The following MCFD2 variants were observed in gnomAD, a reference collection of about 807,000 sequenced individuals.
The protein encoded by MCFD2 is multiple coagulation factor deficiency 2, ER cargo receptor complex subunit.
In MCFD2, 11 loss-of-function variants were observed where a neutral mutation model predicts 12.8. The ratio of observed to expected loss-of-function variants is 0.86; its 90% confidence interval spans 0.54 to 1.42. The LOEUF (loss-of-function observed/expected upper bound fraction) is 1.42, where lower values mean the gene tolerates loss of function less well. Among genes scored for constraint, MCFD2 ranks in the 40% most tolerant of loss-of-function variants. The pLI is 0.00. For missense variants in MCFD2, 191 were observed against 178.6 expected, an observed-to-expected ratio of 1.07 and a Z score of -0.40; for synonymous variants, 70 against 68.1, an observed-to-expected ratio of 1.03 and a Z score of -0.14.
At chr2:46,905,804 T>G in intron 3 of MCFD2, 1 of 645,964 alleles carries the variant, frequency 1.5e-6, no homozygotes, top group African/African-American at 1.8e-5. Flanking sequence ...TCTAGATATA[T>G]AGAGAGAGAA....
chr2:46,934,808 T>A (rs112430224), intron 1 of MCFD2, among the ~76,000 whole-genome samples: 8 of 129,750 alleles, frequency 6.2e-5, no homozygotes, highest in African/African-American at 2.4e-4. Context: ...TTTTTTTTTT[T>A]TTTTTTTTTT....
chr2:46,937,270 T>A lies in MCFD2; in HGVS notation c.-8+4302A>T, dbSNP rs1440355068. On this transcript the variant is annotated intron_variant, in intron 1 of 2. Transcript: ENST00000409147. The surrounding 1 kb of genome is among the most constrained non-coding windows in gnomAD (Gnocchi z 4.0). ...AATATCACAGCTGAAACCTGCTATTTCTTTTCCCCTACCCTATGCTCCTCC... is the reference window on the plus strand; with the variant it reads ...AATATCACAGCTGAAACCTGCTATTACTTTTCCCCTACCCTATGCTCCTCC... Among the ~76,000 whole-genome samples the A allele has an allele frequency of 1.3e-5, 2 of 152,248 alleles. No homozygotes were observed. The highest frequency in any genetic ancestry group is 1.3e-4 in the Admixed American group (2 of 15,280).
At chr2:46,921,292 A>G (rs2103803233) in intron 1 of MCFD2, among the ~76,000 whole-genome samples, 1 of 152,354 alleles carries the variant, frequency 6.6e-6, no homozygotes, top group East Asian at 1.9e-4. Context: ...GAAAAAAGCT[A>G]CTAGAGCTAT....
chr2:46,906,102 C>T, intron 3 of MCFD2: 1 of 438,974 alleles, frequency 2.3e-6, no homozygotes, highest in South Asian at 1.7e-5. Flanking sequence ...TTCCCATGCT[C>T]CAAGAGCAGG....
At chr2:46,905,617 T>C (rs201449450) in intron 3 of MCFD2, 23 bp from the exon 4 acceptor site, 1 of 1,610,186 alleles carries the variant, frequency 6.2e-7, no homozygotes, top group South Asian at 1.1e-5. Flanking sequence ...AATTAGACAA[T>C]GATGAGTTGC....
chr2:46,915,806 G>T lies in MCFD2; in HGVS notation c.-90C>A. The T allele has an allele frequency of 2.0e-6, 1 of 512,578 alleles. No homozygotes were observed. Among genetic ancestry groups the T allele is most frequent in the Non-Finnish European group, 2.1e-6 (1 of 465,128 alleles). 31.8% of individuals were successfully genotyped at this position (512,578 alleles called of 1,614,324 possible). On this transcript the variant is annotated 5_prime_UTR_variant, in exon 1 of 4. Coordinates refer to ENST00000319466, the MANE Select transcript of MCFD2 (RefSeq NM_139279.6). ...CCCCAAAACGCTCTTCCTCGGCTTC[G>T]CCCCGCCCCCCCCCCCCCCCCGACC...
At chr2:46,936,906 G>C (rs1180361309) in intron 1 of MCFD2, among the ~76,000 whole-genome samples, 2 of 150,184 alleles carry the variant, frequency 1.3e-5, no homozygotes, top group Non-Finnish European at 3.0e-5. Flanking sequence ...CCAGGCTGGA[G>C]TGCAGTGGCA....
intron 1 of MCFD2, among the ~76,000 whole-genome samples, chr2:46,939,675 T>A (rs1479379024): frequency 6.6e-6 from 1 of 152,194 alleles, no homozygotes; most frequent in Non-Finnish European, 1.5e-5. Context: ...TGCTGTTCAC[T>A]CCCTGCCCCA....
At chr2:46,922,757 A>G (rs967817895) in intron 1 of MCFD2, among the ~76,000 whole-genome samples, 1 of 152,160 alleles carries the variant, frequency 6.6e-6, no homozygotes, top group Non-Finnish European at 1.5e-5. Context: ...CTCTTCCCAC[A>G]CTGGAGGAAG....
intron 1 of MCFD2, among the ~76,000 whole-genome samples, chr2:46,934,324 T>C (rs573080476): frequency 3.2e-4 from 48 of 152,320 alleles, no homozygotes; most frequent in African/African-American, 1.2e-3. Context: ...AGTGGCACAA[T>C]CTCAGCTCAC....
At chr2:46,916,141 C>A, upstream of MCFD2, 1 of 985,554 alleles carries the variant, frequency 1.0e-6, no homozygotes, top group African/African-American at 1.7e-5. Context: ...AGCTGGCTCC[C>A]AACTCCGCTC....
Position 46,911,235 on chromosome 2 carries a change from C to T in MCFD2, c.-6-2058G>A, listed in dbSNP as rs983135941. On this transcript the variant is annotated intron_variant, in intron 1 of 3. Coordinates refer to ENST00000319466, the MANE Select transcript of MCFD2 (RefSeq NM_139279.6). Reference sequence around the variant, plus strand: ...CTCCGCTTCCCAGGTTCAAGCAATTCTCCTGCCTCAGCCTCCCGAGTAGCT... The same window carrying T: ...CTCCGCTTCCCAGGTTCAAGCAATTTTCCTGCCTCAGCCTCCCGAGTAGCT... Among the ~76,000 whole-genome samples, 82 of 152,176 alleles carry T rather than the reference C, an allele frequency of 5.4e-4. 1 individual carries two copies. Among genetic ancestry groups the T allele is most frequent in the African/African-American group, 1.9e-3 (78 of 41,514 alleles).
upstream of MCFD2, among the ~76,000 whole-genome samples, chr2:46,920,735 A>G (rs143716797): frequency 7.8e-4 from 118 of 151,966 alleles, no homozygotes; most frequent in African/African-American, 2.5e-3. Flanking sequence ...GAACTTGCCT[A>G]TCTACTTGAA....
At chr2:46,929,231 C>A (rs1276820209) in intron 1 of MCFD2, among the ~76,000 whole-genome samples, 2 of 151,896 alleles carry the variant, frequency 1.3e-5, no homozygotes, top group African/African-American at 2.4e-5. Flanking sequence ...TGCATGTAAT[C>A]CTAGCACTTT....
chr2:46,907,770 C>G lies in MCFD2; in HGVS notation c.309+40G>C, dbSNP rs755650241. On this transcript the variant is annotated intron_variant, in intron 3 of 3. Coordinates refer to ENST00000319466, the MANE Select transcript of MCFD2 (RefSeq NM_139279.6). This position sits in a 1 kb window ranked among gnomAD's most constrained non-coding sequence, Gnocchi z 4.1. ...GGGGACCAAATTAACAAAGGGAAGC[C>G]TTTCTGTGATACAGTCCCCCAAGCC... The G allele has an allele frequency of 1.9e-6, 3 of 1,608,348 alleles. No homozygotes were observed. The African/African-American group carries it at 4.0e-5, about 22-fold the overall frequency.
chr2:46,926,667 A>G (rs975708903), intron 1 of MCFD2, among the ~76,000 whole-genome samples: 1 of 152,238 alleles, frequency 6.6e-6, no homozygotes, highest in African/African-American at 2.4e-5. Context: ...AGAAGAATAT[A>G]AAATTATCCT....
chr2:46,915,907 T>C, upstream of MCFD2: 1 of 983,732 alleles, frequency 1.0e-6, no homozygotes. Flanking sequence ...CGGCGGGCTG[T>C]GAGGACGGCT....
intron 1 of MCFD2, among the ~76,000 whole-genome samples, chr2:46,914,632 AC>A (rs1668626114): frequency 1.3e-5 from 2 of 152,248 alleles, no homozygotes; most frequent in South Asian, 4.1e-4. Context: ...TGAAGATAGT[AC>A]TATGACCTCG....
intron 1 of MCFD2, among the ~76,000 whole-genome samples, chr2:46,924,709 C>T (rs1669294126): frequency 6.6e-6 from 1 of 152,190 alleles, no homozygotes; most frequent in South Asian, 2.1e-4. Context: ...ACACTGCAGC[C>T]TCAACCTCCT....
Sources: gnomAD v4.1 joint callset for allele counts (sites outside exome capture counted in the v4.1 genomes callset) on GRCh38, gnomAD v4.1.1 for gene constraint, Gnocchi (gnomAD v3.1) non-coding constraint, MANE v1.5 for transcripts, NCBI Gene and HGNC (gene_info 2026-07-23, HGNC 2026-07-21) for gene names.